The following TECPR2 variants were observed in gnomAD, a reference collection of about 807,000 sequenced individuals.
TECPR2 encodes the protein tectonin beta-propeller repeat-containing protein 2.
TECPR2 carries 65 observed loss-of-function variants against 138.1 expected under a neutral mutation model. That is an observed-to-expected ratio of 0.47 (90% CI 0.39 to 0.58). TECPR2 has a LOEUF of 0.58. TECPR2 is among the 20% of genes least tolerant of loss of function. TECPR2 has a pLI of 0.00. For synonymous variants in TECPR2, 746 were observed against 749.8 expected (o/e 0.99, Z 0.08); for missense variants, 1,553 against 1,824.5 (o/e 0.85, Z 2.71).
At chr14:102,383,145 C>T (rs973868462) in intron 2 of TECPR2, among the ~76,000 whole-genome samples, 6 of 152,178 alleles carry the variant, frequency 3.9e-5, no homozygotes, top group Admixed American at 3.9e-4. Context: ...TTCCAGCACC[C>T]CAGAAGATTC....
Position 102,436,370 on chromosome 14 carries a change from G to C in TECPR2, c.2394+1159G>C, listed in dbSNP as rs184689946. Among the ~76,000 whole-genome samples the C allele has an allele frequency of 7.2e-3, 1,075 of 149,844 alleles. 3 individuals carry two copies. The highest frequency in any genetic ancestry group is 0.011 in the Non-Finnish European group (732 of 67,722). On this transcript the variant is annotated intron_variant, in intron 9 of 19. Coordinates refer to ENST00000359520, the MANE Select transcript of TECPR2 (RefSeq NM_014844.5). Reference sequence around the variant, plus strand: ...GTCTCACTCTGTCACCCAGGATGGAGCGCAGTGGCGCAATCATGGCTCATT... The same window carrying C: ...GTCTCACTCTGTCACCCAGGATGGACCGCAGTGGCGCAATCATGGCTCATT...
intron 2 of TECPR2, among the ~76,000 whole-genome samples, chr14:102,403,789 A>G (rs752737541): frequency 5.3e-5 from 8 of 152,252 alleles, no homozygotes; most frequent in Non-Finnish European, 1.2e-4. Flanking sequence ...ATTAAAAAGA[A>G]TAAGGAGGTG....
intron 1 of TECPR2, among the ~76,000 whole-genome samples, chr14:102,369,473 C>T (rs896447891): frequency 1.3e-5 from 2 of 152,070 alleles, no homozygotes; most frequent in Non-Finnish European, 2.9e-5. Flanking sequence ...ACTGCAGCCT[C>T]GAACTCCCGG....
intron 1 of TECPR2, among the ~76,000 whole-genome samples, chr14:102,375,721 G>A (rs1887625397): frequency 6.6e-6 from 1 of 152,184 alleles, no homozygotes; most frequent in Admixed American, 6.5e-5. Context: ...ATCAGGTACA[G>A]AGCATCTACC....
chr14:102,476,206 C>CAAA lies in TECPR2; in HGVS notation c.3789+10940_3789+10942dup, dbSNP rs58293049. Among the ~76,000 whole-genome samples, 308 of 59,692 alleles carry CAAA rather than the reference C, an allele frequency of 5.2e-3. 7 individuals carry two copies. Among genetic ancestry groups the CAAA allele is most frequent in the African/African-American group, 0.021 (294 of 13,818 alleles). 39.2% of individuals were successfully genotyped at this position (59,692 alleles called of 152,430 possible). A position where few individuals can be genotyped will look rare whatever the true frequency, so the allele number is the denominator to read the frequency against. ...TGGGCAACAGAGCGAGACTCTGTCTCAAAAAAAAAAAAAAAAAAAAAAAAA... is the reference window on the plus strand; with the variant it reads ...TGGGCAACAGAGCGAGACTCTGTCTCAAAAAAAAAAAAAAAAAAAAAAAAAAAA... On this transcript the variant is annotated intron_variant, in intron 17 of 19. Coordinates refer to ENST00000359520, the MANE Select transcript of TECPR2 (RefSeq NM_014844.5).
At chr14:102,449,513 A>G in intron 13 of TECPR2, 116 bp from the exon 14 acceptor site, 2 of 1,483,576 alleles carry the variant, frequency 1.3e-6, no homozygotes, top group Non-Finnish European at 1.8e-6. Flanking sequence ...TTGGATGGTC[A>G]TCTTGTTACT....
rs150880664 is a variant in TECPR2, at chr14:102,470,915, T to C, written c.3789+5626T>C. ...CTCACTGCAGCCTCCGCCTCCTGGG[T>C]TCAAGCAGTTCTCCTGCCTCAGCCT... is the stretch of plus-strand genomic sequence containing the variant. On this transcript the variant is annotated intron_variant, in intron 17 of 19. Transcript: ENST00000359520. Among the ~76,000 whole-genome samples the C allele has an allele frequency of 3.4e-3, 511 of 150,446 alleles. 2 individuals are homozygous for C. Among genetic ancestry groups the C allele is most frequent in the African/African-American group, 0.011 (459 of 40,974 alleles).
intron 17 of TECPR2, among the ~76,000 whole-genome samples, chr14:102,482,566 A>T (rs1890915405): frequency 6.6e-6 from 1 of 151,992 alleles, no homozygotes; most frequent in African/African-American, 2.4e-5. Context: ...CCCTCATGTT[A>T]GAGCCCCTTT....
intron 11 of TECPR2, among the ~76,000 whole-genome samples, chr14:102,440,920 A>G (rs1376185578): frequency 6.6e-6 from 1 of 152,230 alleles, no homozygotes; most frequent in Admixed American, 6.5e-5. Flanking sequence ...TTAGATCTTA[A>G]GAGGTAAGAA....
At chr14:102,403,106 C>T (rs1888540505) in intron 2 of TECPR2, among the ~76,000 whole-genome samples, 1 of 152,136 alleles carries the variant, frequency 6.6e-6, no homozygotes, top group Admixed American at 6.5e-5. Context: ...ACATCAGTAT[C>T]CCTCATGAAC....
rs45622733 is a variant in TECPR2, at chr14:102,434,080, G to T, written c.1418-155G>T. Among the ~76,000 whole-genome samples the T allele has an allele frequency of 0.086, 13,154 of 152,138 alleles. 737 individuals are homozygous for T. Among genetic ancestry groups the T allele is most frequent in the African/African-American group, 0.17 (7,116 of 41,470 alleles). On this transcript the variant is annotated intron_variant, in intron 8 of 19. Coordinates refer to ENST00000359520, the MANE Select transcript of TECPR2 (RefSeq NM_014844.5). ...TTGCATGCATAGAAAGCATCTCTTT[G>T]TTGGGATTATTTGTACTTAAGAGGT...
chr14:102,372,295 C>T (rs1367180530), intron 1 of TECPR2, among the ~76,000 whole-genome samples: 2 of 150,696 alleles, frequency 1.3e-5, no homozygotes, highest in African/African-American at 4.9e-5. Flanking sequence ...GATTGAGTTT[C>T]ACTCTTGTTG....
At chr14:102,437,637 A>G (rs919481453) in intron 9 of TECPR2, among the ~76,000 whole-genome samples, 10 of 152,198 alleles carry the variant, frequency 6.6e-5, no homozygotes, top group Admixed American at 6.5e-4. Flanking sequence ...TAATGATTAG[A>G]CTACAAAAAA....
chr14:102,460,867 T>C (rs1890392101), intron 16 of TECPR2, among the ~76,000 whole-genome samples: 1 of 151,836 alleles, frequency 6.6e-6, no homozygotes, highest in Admixed American at 6.6e-5. Flanking sequence ...GCTAATTTTT[T>C]TGTATTTTTA....
At position 102,447,578 on chromosome 14, in the gene TECPR2, A is replaced by C. The variant is rs542296968; in HGVS notation, c.3075+1631A>C. On this transcript the variant is annotated intron_variant, in intron 13 of 19. Transcript: ENST00000359520. ...GAGACGGAGTCTTGCTCTGTCACCC[A>C]GTCTGGAGTACAATGGCGCAATCTC... Among the ~76,000 whole-genome samples the C allele has an allele frequency of 9.6e-4, 146 of 152,034 alleles. 1 individual carries two copies. The highest frequency in any genetic ancestry group is 1.8e-3 in the Non-Finnish European group (123 of 68,016).
intron 17 of TECPR2, among the ~76,000 whole-genome samples, chr14:102,495,912 G>C (rs1168722379): frequency 6.6e-6 from 1 of 152,258 alleles, no homozygotes; most frequent in Non-Finnish European, 1.5e-5. Flanking sequence ...CAGGTGGAGG[G>C]AGGTCCCACT....
chr14:102,431,548 T>C (rs190922351), intron 7 of TECPR2, among the ~76,000 whole-genome samples: 9 of 152,218 alleles, frequency 5.9e-5, no homozygotes, highest in East Asian at 5.8e-4. Flanking sequence ...TTCACTGTGT[T>C]AGCCAGGATG....
intron 10 of TECPR2, chr14:102,438,461 A>G (rs1889741110): frequency 4.4e-6 from 2 of 458,524 alleles, no homozygotes; most frequent in African/African-American, 2.0e-5. Context: ...ATTAATTGCA[A>G]TGGTAAGCTC....
At chr14:102,494,549 G>A (rs1171374656) in intron 17 of TECPR2, among the ~76,000 whole-genome samples, 3 of 151,562 alleles carry the variant, frequency 2.0e-5, no homozygotes, top group Non-Finnish European at 2.9e-5. Flanking sequence ...TAGCTCGGAC[G>A]GGTGCGGTGG....
Sources: gnomAD v4.1 joint callset for allele counts (sites outside exome capture counted in the v4.1 genomes callset) on GRCh38, gnomAD v4.1.1 for gene constraint, MANE v1.5 for transcripts, NCBI Gene and HGNC (gene_info 2026-07-23, HGNC 2026-07-21) for gene names.